The following KRT84 variants were observed in gnomAD, a reference collection of about 807,000 sequenced individuals.
KRT84 encodes the protein keratin 84.
A neutral mutation model predicts 49.0 loss-of-function variants in KRT84; 38 were observed. That is an observed-to-expected ratio of 0.78 (90% confidence interval 0.60 to 1.02). KRT84 has a LOEUF of 1.02. KRT84 is among the 50% of genes least tolerant of loss of function. The pLI, the probability that KRT84 is intolerant of heterozygous loss-of-function variation, is 0.00. For synonymous variants in KRT84, 334 were observed against 312.8 expected (o/e 1.07, Z -0.72); for missense variants, 860 against 788.6 (o/e 1.09, Z -1.08).
upstream of KRT84, chr12:52,385,679 T>G: frequency 8.3e-7 from 1 of 1,202,100 alleles, no homozygotes; most frequent in African/African-American, 1.5e-5. Context: ...TTGCACCCCT[T>G]TTATGTGTGT....
intron 4 of KRT84, 97 bp from the exon 5 acceptor site, chr12:52,381,622 G>T: frequency 1.7e-6 from 2 of 1,181,184 alleles, no homozygotes; most frequent in Non-Finnish European, 2.4e-6. Context: ...CAGGGGCAGA[G>T]AGCATCACTC....
chr12:52,378,441 C>T (rs1431203165), intron 8 of KRT84, 61 bp from the exon 9 acceptor site: 1 of 1,327,468 alleles, frequency 7.5e-7, no homozygotes, highest in Non-Finnish European at 9.9e-7. Flanking sequence ...CTCCATGCTA[C>T]CCCTGGGCTG....
rs112794306 is a variant in KRT84 at position 52,380,449 on chromosome 12, G to A, written c.1338C>T (p.Cys446=). ...QAKQDMARQL[C]EYQELMNAKL... Reference sequence around the variant, plus strand: ...TGGCATTCATCAGCTCCTGGTACTCGCACAGCTGCCGCGCCATGTCCTGCT... The same window carrying A: ...TGGCATTCATCAGCTCCTGGTACTCACACAGCTGCCGCGCCATGTCCTGCT... The change falls in exon 7 of 9, where the codon TGC becomes TGT. Residue 446 remains cysteine (C), a synonymous_variant. Transcript: ENST00000257951. The A allele has an allele frequency of 2.7e-5, 44 of 1,614,042 alleles. No homozygotes were observed. The highest frequency in any genetic ancestry group is 4.5e-5 in the East Asian group (2 of 44,894).
intron 3 of KRT84, 76 bp downstream of exon 3, chr12:52,382,929 A>G (rs1939509328): frequency 8.1e-7 from 1 of 1,238,974 alleles, no homozygotes; most frequent in Admixed American, 1.7e-5. Context: ...GGGCTGCCTG[A>G]GCAGTTTCCT....
At chr12:52,386,302 C>A (rs1442214070), upstream of KRT84, among the ~76,000 whole-genome samples, 1 of 151,948 alleles carries the variant, frequency 6.6e-6, no homozygotes. Flanking sequence ...AGAGTGCCTG[C>A]TATGTATCCA....
chr12:52,385,439 G>T lies in KRT84; in HGVS notation c.147C>A (p.Ser49Arg), dbSNP rs574685403. 1.1e-5 allele frequency: 18 copies of T among 1,614,188 alleles called. No homozygotes were observed. In the East Asian group the frequency reaches 2.5e-4, roughly 22 times the overall value. Residue 49 changes from serine to arginine, a missense_variant, in exon 1 of 9, where the codon AGC (serine) becomes AGA (arginine). Transcript: ENST00000257951. ...WSGPGFRGLG[S>R]FGSRSVITFG... ...AGGTGATGACACTCCGACTACCAAA[G>T]CTGCCAAGGCCCCGGAATCCAGGCC... is the stretch of plus-strand genomic sequence containing the variant.
In KRT84 at chr12:52,380,587, C is replaced by A. The variant is rs1939465859; in HGVS notation, c.1204-4G>T. 1 of 1,601,094 alleles carries A rather than the reference C, an allele frequency of 6.2e-7. No individual in the cohort carries two copies. Among genetic ancestry groups the A allele is most frequent in the Non-Finnish European group, 8.5e-7 (1 of 1,172,380 alleles). On this transcript the variant is annotated splice_polypyrimidine_tract_variant and splice_region_variant and intron_variant, in intron 6 of 8. Coordinates refer to ENST00000257951, the MANE Select transcript of KRT84 (RefSeq NM_033045.4). Reference sequence around the variant, plus strand: ...CTGCAGCCTCCAACTTGGCACGCTGCAGGGAAGGCAGTTTGCAGGTAGGCT... The same window carrying A: ...CTGCAGCCTCCAACTTGGCACGCTGAAGGGAAGGCAGTTTGCAGGTAGGCT...
chr12:52,385,913 C>G (rs1470694241), upstream of KRT84, among the ~76,000 whole-genome samples: 1 of 152,060 alleles, frequency 6.6e-6, no homozygotes, highest in Non-Finnish European at 1.5e-5. Context: ...ATAAGTCTAC[C>G]ACAATTGCCA....
chr12:52,378,655 C>A (rs969069315), intron 8 of KRT84, among the ~76,000 whole-genome samples: 2 of 152,218 alleles, frequency 1.3e-5, no homozygotes, highest in East Asian at 1.9e-4. Context: ...GGTTGACTGT[C>A]ATTTATATAC....
chr12:52,386,705 T>C (rs1184092508), upstream of KRT84, among the ~76,000 whole-genome samples: 3 of 152,162 alleles, frequency 2.0e-5, no homozygotes, highest in South Asian at 4.2e-4. Context: ...TTGGTTAGGA[T>C]AGAGAGACAC....
In KRT84 at chr12:52,385,165, T is replaced by C; in HGVS notation, c.421A>G (p.Thr141Ala). 1 of 1,604,278 alleles carries C rather than the reference T, an allele frequency of 6.2e-7. No homozygotes were observed. Among genetic ancestry groups the C allele is most frequent in the South Asian group, 1.1e-5 (1 of 89,394 alleles). ...VPAAPSITAV[T>A]VNKSLLTPLN... Reference sequence around the variant, plus strand: ...GGGGTCAGTAGGCTCTTGTTCACAGTCACAGCTGTGATAGATGGGGCTGCT... The same window carrying C: ...GGGGTCAGTAGGCTCTTGTTCACAGCCACAGCTGTGATAGATGGGGCTGCT... The change falls in exon 1 of 9, where the codon ACT becomes GCT. Residue 141 changes from threonine (T) to alanine (A), a missense_variant. By Grantham distance (58) the Thr-to-Ala change is moderately conservative. Transcript: ENST00000257951.
intron 8 of KRT84, 151 bp downstream of exon 8, chr12:52,379,725 C>T (rs1939446679): frequency 5.8e-6 from 4 of 683,884 alleles, no homozygotes; most frequent in East Asian, 5.5e-5. Context: ...TAAGAAGATG[C>T]TCCCCATCCA....
In KRT84 at chr12:52,379,863, A is replaced by C; in HGVS notation, c.1456+13T>G. 1 of 1,607,898 alleles carries C rather than the reference A, an allele frequency of 6.2e-7. No homozygotes were observed. The highest frequency in any genetic ancestry group is 1.1e-5 in the South Asian group (1 of 90,914). ...GAGAGAAATGTGTGAAGAGGAAAAA[A>C]CAAGTTTCTTACATATGTTTACTGG... On this transcript the variant is annotated intron_variant, in intron 8 of 8. Transcript: ENST00000257951.
In KRT84 at chr12:52,380,582, C is replaced by T. The variant is rs148643585; in HGVS notation, c.1205G>A (p.Arg402His). 4.3e-4 allele frequency: 692 copies of T among 1,609,094 alleles called. No homozygotes were observed. The highest frequency in any genetic ancestry group is 5.3e-4 in the Non-Finnish European group (624 of 1,177,536). ...KAEIEHAKAQ[R>H]AKLEAAVAEA... ...GGCCACTGCAGCCTCCAACTTGGCA[C>T]GCTGCAGGGAAGGCAGTTTGCAGGT... Residue 402 changes from arginine (R) to histidine (H), a missense_variant and splice_region_variant, in exon 7 of 9, where the codon CGT becomes CAT. Physicochemically the swap from Arg to His is conservative, Grantham distance 29. Coordinates refer to ENST00000257951, the MANE Select transcript of KRT84 (RefSeq NM_033045.4).
rs138689455 is a variant in KRT84, at chr12:52,380,460, G to A, written c.1327C>T (p.Arg443Trp). 8.0e-5 allele frequency: 129 copies of A among 1,614,214 alleles called. No homozygotes were observed. The highest frequency in any genetic ancestry group is 5.0e-4 in the Middle Eastern group (3 of 6,058). Reference protein sequence around the residue: ...ALQQAKQDMARQLCEYQELMN... With the variant: ...ALQQAKQDMAWQLCEYQELMN... ...AGCTCCTGGTACTCGCACAGCTGCCGCGCCATGTCCTGCTTGGCCTGCTGC... is the reference window on the plus strand; with the variant it reads ...AGCTCCTGGTACTCGCACAGCTGCCACGCCATGTCCTGCTTGGCCTGCTGC... Residue 443 changes from arginine to tryptophan, a missense_variant, in exon 7 of 9, where the codon CGG (arginine) becomes TGG (tryptophan). Transcript: ENST00000257951.
chr12:52,383,999 A>G (rs1939531799), intron 1 of KRT84, among the ~76,000 whole-genome samples: 2 of 152,186 alleles, frequency 1.3e-5, no homozygotes, highest in Non-Finnish European at 2.9e-5. Context: ...AGGCCTAGTT[A>G]CCAATATGGG....
chr12:52,382,173 T>C (rs570837279), intron 4 of KRT84, among the ~76,000 whole-genome samples: 1 of 152,328 alleles, frequency 6.6e-6, no homozygotes, highest in African/African-American at 2.4e-5. Flanking sequence ...GGAAGTGACA[T>C]TTCTAGATCC....
At chr12:52,380,675 G>T in intron 6 of KRT84, 92 bp from the exon 7 acceptor site, 1 of 1,321,578 alleles carries the variant, frequency 7.6e-7, no homozygotes, top group Non-Finnish European at 1.0e-6. Context: ...TGGGAACATA[G>T]CCTGGGGCCA....
Position 52,381,451 on chromosome 12 carries a change from G to A in KRT84, c.987C>T (p.Asn329=), listed in dbSNP as rs1196574125. 16 of 1,614,018 alleles carry A rather than the reference G, an allele frequency of 9.9e-6. No individual in the cohort carries two copies. The highest frequency in any genetic ancestry group is 1.3e-5 in the Non-Finnish European group (15 of 1,180,046). Reference sequence around the variant, plus strand: ...TGACCTCAGCAATGATCCCATCAAGGTTCAGGTCACGGCTGTTGTCCATCT... The same window carrying A: ...TGACCTCAGCAATGATCCCATCAAGATTCAGGTCACGGCTGTTGTCCATCT... ...IVKMDNSRDL[N]LDGIIAEVKA... Residue 329 remains asparagine, a synonymous_variant, in exon 5 of 9, where the codon AAC becomes AAT. Transcript: ENST00000257951.
Sources: allele counts gnomAD v4.1 joint callset (sites outside exome capture counted in the v4.1 genomes callset), GRCh38; gene constraint gnomAD v4.1.1; transcripts MANE v1.5; gene names NCBI Gene and HGNC (gene_info 2026-07-23, HGNC 2026-07-21).